Variants in KLC1 observed in about 807,000 individuals in gnomAD.
KLC1 encodes the protein kinesin light chain 1, also known as kinesin 2 60/70kDa.
KLC1 carries 30 observed loss-of-function variants against 84.2 expected under a neutral mutation model. The observed-to-expected ratio is 0.36, with a 90% CI of 0.27 to 0.48. The LOEUF (loss-of-function observed/expected upper bound fraction) is 0.48, where lower values mean the gene tolerates loss of function less well. Ranked by LOEUF, KLC1 falls within the 20% of genes least tolerant of loss-of-function variation. The probability of loss-of-function intolerance (pLI) is 0.99; values close to 1 mark genes in which losing one functional copy is unlikely to be tolerated. For missense variants in KLC1, 499 were observed against 805.4 expected (o/e 0.62, Z 4.60); for synonymous variants, 289 against 293.3 (o/e 0.99, Z 0.15).
intron 9 of KLC1, among the ~76,000 whole-genome samples, chr14:103,673,662 G>A (rs536881508): frequency 3.0e-4 from 45 of 152,264 alleles, no homozygotes; most frequent in Non-Finnish European, 4.7e-4. Flanking sequence ...GGTGGCTCAC[G>A]CCTGTAATTC....
intron 1 of KLC1, among the ~76,000 whole-genome samples, chr14:103,630,050 G>C (rs921499293): frequency 1.3e-5 from 2 of 152,254 alleles, no homozygotes; most frequent in Admixed American, 6.5e-5. Context: ...GGCGGCGGGG[G>C]GCCGGGTCCC....
Position 103,694,509 on chromosome 14 carries a change from A to G in KLC1, c.1848+2084A>G, listed in dbSNP as rs773173278. ...ATGAGGGAGCACGGTGGACTCTGAC[A>G]GGAACCTTTTCAAATCAATGCTGAG... On this transcript the variant is annotated intron_variant, in intron 15 of 16. Coordinates refer to ENST00000334553, the MANE Select transcript of KLC1 (RefSeq NM_001394837.1). The surrounding 1 kb of genome is among the most constrained non-coding windows in gnomAD (Gnocchi z 4.5). The G allele has an allele frequency of 2.4e-5, 24 of 985,392 alleles. No individual in the cohort carries two copies. The highest frequency in any genetic ancestry group is 2.9e-5 in the Non-Finnish European group (24 of 829,958). 61.0% of individuals were successfully genotyped at this position (985,392 alleles called of 1,614,324 possible).
At chr14:103,696,112 C>A in intron 15 of KLC1, 19 of 934,074 alleles carry the variant, frequency 2.0e-5, no homozygotes, top group Non-Finnish European at 2.2e-5. Flanking sequence ...CCCGCCCCCC[C>A]CCACAGCAGC....
rs180870466 is a variant in KLC1, at chr14:103,687,277, C to T, written c.1781+66C>T. 536 of 1,436,456 alleles carry T rather than the reference C, an allele frequency of 3.7e-4. 3 individuals carry two copies. Among genetic ancestry groups the T allele is most frequent in the Non-Finnish European group, 5.0e-5 (53 of 1,065,352 alleles). 89.0% of individuals were successfully genotyped at this position (1,436,456 alleles called of 1,614,324 possible). Reference sequence around the variant, plus strand: ...GCTGCTGGGCCGCTTCTCTTCCTAGCGCAGCCTTCCTCACCCACAGACTTG... The same window carrying T: ...GCTGCTGGGCCGCTTCTCTTCCTAGTGCAGCCTTCCTCACCCACAGACTTG... On this transcript the variant is annotated intron_variant, in intron 14 of 16. Coordinates refer to ENST00000334553, the MANE Select transcript of KLC1 (RefSeq NM_001394837.1).
rs1167272811 is a variant in KLC1 at position 103,688,706 on chromosome 14, C to T, written c.1781+1495C>T. 2.0e-5 allele frequency among the ~76,000 whole-genome samples: 3 copies of T among 152,202 alleles called. No individual in the cohort carries two copies. The East Asian group carries it at 5.8e-4, about 29-fold the overall frequency. ...TGCAGGCCTGAGGCAAGAGGAGTGA[C>T]GTGGCTTTTGTAAGGAGCTTCTCAC... On this transcript the variant is annotated intron_variant, in intron 14 of 16. Transcript: ENST00000334553.
chr14:103,635,896 G>A (rs756308728), intron 1 of KLC1, among the ~76,000 whole-genome samples: 23 of 152,126 alleles, frequency 1.5e-4, no homozygotes, highest in Non-Finnish European at 8.8e-5. Context: ...TTGCTTCGCG[G>A]TATAAGCTTT....
At chr14:103,688,756 A>G (rs1049200554) in intron 14 of KLC1, among the ~76,000 whole-genome samples, 3 of 152,170 alleles carry the variant, frequency 2.0e-5, no homozygotes, top group African/African-American at 7.2e-5. Flanking sequence ...CCATTTCTGG[A>G]GAGGGAGTTT....
At chr14:103,648,013 C>G (rs933654691) in intron 1 of KLC1, among the ~76,000 whole-genome samples, 1 of 151,516 alleles carries the variant, frequency 6.6e-6, no homozygotes, top group Non-Finnish European at 1.5e-5. Flanking sequence ...TGCAGTGGCG[C>G]GATCTCGGCT....
chr14:103,661,696 C>A (rs1395218108), intron 3 of KLC1, among the ~76,000 whole-genome samples: 1 of 152,118 alleles, frequency 6.6e-6, no homozygotes, highest in African/African-American at 2.4e-5. Flanking sequence ...GCCCCAGAGC[C>A]GATTGTGGTG....
chr14:103,698,993 TG>T, intron 15 of KLC1: 1 of 1,595,292 alleles, frequency 6.3e-7, no homozygotes, highest in East Asian at 2.3e-5. Context: ...TGCCAAGGGC[TG>T]GGGAAACACG....
chr14:103,699,652 C>CA (rs1204813680), intron 15 of KLC1: 6 of 1,486,190 alleles, frequency 4.0e-6, no homozygotes, highest in Non-Finnish European at 4.7e-6. Context: ...TTTGGACTGT[C>CA]ACTCGACCGT....
At chr14:103,640,216 A>G (rs2077376497) in intron 1 of KLC1, among the ~76,000 whole-genome samples, 1 of 151,862 alleles carries the variant, frequency 6.6e-6, no homozygotes, top group Non-Finnish European at 1.5e-5. Context: ...GTGCACCACT[A>G]TGCCTGGCTA....
At chr14:103,697,140 A>C (rs2082597774) in intron 15 of KLC1, 1 of 984,584 alleles carries the variant, frequency 1.0e-6, no homozygotes, top group Non-Finnish European at 1.2e-6. Context: ...AAAATGTCTT[A>C]CTTGCCATTG....
intron 3 of KLC1, among the ~76,000 whole-genome samples, chr14:103,659,168 G>A (rs2079083110): frequency 6.7e-6 from 1 of 148,784 alleles, no homozygotes; most frequent in African/African-American, 2.5e-5. Context: ...AGTAGAGATG[G>A]GGTTTCACCA....
At chr14:103,654,947 G>A (rs1289156640) in intron 2 of KLC1, 122 bp downstream of exon 2, 3 of 1,153,198 alleles carry the variant, frequency 2.6e-6, no homozygotes, top group Admixed American at 2.7e-5. Flanking sequence ...GATCCAGGCC[G>A]AGTGCGGTGT....
chr14:103,670,118 T>C, intron 6 of KLC1, 64 bp from the exon 7 acceptor site: 1 of 982,906 alleles, frequency 1.0e-6, no homozygotes, highest in Non-Finnish European at 1.5e-6. Context: ...GAATATGTGG[T>C]GTATAAATGT....
At chr14:103,637,780 C>T (rs2151304940) in intron 1 of KLC1, among the ~76,000 whole-genome samples, 1 of 152,154 alleles carries the variant, frequency 6.6e-6, no homozygotes, top group Admixed American at 6.6e-5. Flanking sequence ...AGTCGTGGCT[C>T]AGTGCAGCCT....
At chr14:103,662,990 C>A in intron 5 of KLC1, 63 bp downstream of exon 5, 1 of 1,104,046 alleles carries the variant, frequency 9.1e-7, no homozygotes, top group Non-Finnish European at 1.3e-6. Context: ...CCATCTTGCC[C>A]CTTAAAATAT....
intron 1 of KLC1, among the ~76,000 whole-genome samples, chr14:103,636,736 AT>A (rs772961271): frequency 2.0e-5 from 3 of 149,450 alleles, no homozygotes; most frequent in Non-Finnish European, 4.5e-5. Flanking sequence ...TTATTTATTT[AT>A]TTTTGAGATG....
Sources: gnomAD v4.1 joint callset for allele counts (sites outside exome capture counted in the v4.1 genomes callset) on GRCh38, gnomAD v4.1.1 for gene constraint, Gnocchi (gnomAD v3.1) non-coding constraint, MANE v1.5 for transcripts, NCBI Gene and HGNC (gene_info 2026-07-23, HGNC 2026-07-21) for gene names.